LBP: variants seen among roughly 807,000 people sequenced by gnomAD.
LBP encodes lipopolysaccharide-binding protein.
Under a neutral mutation model 56.6 loss-of-function variants are expected in LBP, and 53 were observed. The ratio of observed to expected loss-of-function variants is 0.94; its 90% CI spans 0.75 to 1.18. The LOEUF (loss-of-function observed/expected upper bound fraction) is 1.18. Among genes scored for constraint, LBP ranks in the 50% most tolerant of loss-of-function variants. The pLI is 0.00. For synonymous variants in LBP, 227 were observed against 247.5 expected, an observed-to-expected ratio of 0.92 and a Z score of 0.78; for missense variants, 601 against 598.3, an observed-to-expected ratio of 1.00 and a Z score of -0.05.
intron 5 of LBP, among the ~76,000 whole-genome samples, chr20:38,358,832 CA>C (rs1263442198): frequency 6.6e-6 from 1 of 152,134 alleles, no homozygotes; most frequent in African/African-American, 2.4e-5. Flanking sequence ...AGCTGGCTAA[CA>C]AAAAGAGCTG....
intron 10 of LBP, among the ~76,000 whole-genome samples, chr20:38,369,497 T>C (rs1273861658): frequency 6.9e-6 from 1 of 144,902 alleles, no homozygotes; most frequent in Non-Finnish European, 1.5e-5. Context: ...TGTTTGTCTA[T>C]TTGTCTATTT....
Position 38,349,555 on chromosome 20 carries a change from G to A in LBP, c.132G>A (p.Gln44=). The A allele has an allele frequency of 1.2e-6, 2 of 1,603,600 alleles. No individual in the cohort carries two copies. Among genetic ancestry groups the A allele is most frequent in the Non-Finnish European group, 1.7e-6 (2 of 1,175,302 alleles). Residue 44 remains glutamine, a synonymous_variant, in exon 2 of 15, where the codon CAG becomes CAA. Transcript: ENST00000217407. Reference sequence around the variant, plus strand: ...GCTATTTCCTTTCCACAGCGGCCCAGGAGGGGCTATTAGCTCTGCAGAGTG... The same window carrying A: ...GCTATTTCCTTTCCACAGCGGCCCAAGAGGGGCTATTAGCTCTGCAGAGTG... ...ITDKGLQYAA[Q]EGLLALQSEL... is the part of the protein sequence containing the mutation.
At chr20:38,369,312 C>T in intron 10 of LBP, 150 bp downstream of exon 10, 1 of 763,432 alleles carries the variant, frequency 1.3e-6, no homozygotes, top group Non-Finnish European at 2.1e-6. Flanking sequence ...TTCTTGCTGG[C>T]CCTTACCCCC....
intron 5 of LBP, among the ~76,000 whole-genome samples, chr20:38,356,346 T>G: frequency 1.2e-5 from 1 of 81,644 alleles, no homozygotes; most frequent in East Asian, 3.8e-4. Flanking sequence ...ACCCCCTACA[T>G]GCACACACCA....
At chr20:38,370,608 A>G in intron 10 of LBP, 130 bp from the exon 11 acceptor site, 1 of 768,094 alleles carries the variant, frequency 1.3e-6, no homozygotes, top group South Asian at 1.6e-5. Flanking sequence ...TCTATGATCT[A>G]GTGGGCAAAT....
chr20:38,362,944 T>C, intron 6 of LBP, among the ~76,000 whole-genome samples: 1 of 152,186 alleles, frequency 6.6e-6, no homozygotes, highest in East Asian at 1.9e-4. Flanking sequence ...TGAGATCCTA[T>C]CTCAAAAAGA....
chr20:38,352,049 A>G (rs1438713876), intron 3 of LBP, among the ~76,000 whole-genome samples: 3 of 151,748 alleles, frequency 2.0e-5, no homozygotes, highest in African/African-American at 7.3e-5. Flanking sequence ...AAAAAAAAAA[A>G]AAAAGAAAAA....
intron 7 of LBP, 133 bp from the exon 8 acceptor site, chr20:38,364,443 C>A: frequency 2.4e-6 from 2 of 841,820 alleles, no homozygotes; most frequent in Non-Finnish European, 3.9e-6. Context: ...AAAGACATAA[C>A]ACTGCCTTTA....
At chr20:38,356,511 A>G (rs6127837) in intron 5 of LBP, among the ~76,000 whole-genome samples, 39,197 of 151,038 alleles carry the variant, frequency 0.26, 7,251 homozygotes, top group African/African-American at 0.53. Context: ...CGTGGTTGAA[A>G]CAGGAACAGC....
chr20:38,363,853 C>A (rs981215907), intron 6 of LBP, 122 bp from the exon 7 acceptor site: 1 of 698,058 alleles, frequency 1.4e-6, no homozygotes, highest in Non-Finnish European at 2.5e-6. Flanking sequence ...GCCTCAGGGC[C>A]GGGCTAGTAG....
intron 8 of LBP, among the ~76,000 whole-genome samples, chr20:38,365,717 A>AAAAATAT (rs2076879225): frequency 2.3e-5 from 1 of 43,726 alleles, no homozygotes; most frequent in African/African-American, 9.1e-5. Flanking sequence ...AAAAAAAAAA[A>AAAAATAT]ATATATATAT....
At chr20:38,352,465 A>C (rs1026398388) in intron 3 of LBP, among the ~76,000 whole-genome samples, 1 of 152,192 alleles carries the variant, frequency 6.6e-6, no homozygotes, top group African/African-American at 2.4e-5. Flanking sequence ...AACAAACAAA[A>C]AAACAGCAGC....
At chr20:38,357,073 T>C (rs941149837) in intron 5 of LBP, among the ~76,000 whole-genome samples, 3 of 152,182 alleles carry the variant, frequency 2.0e-5, no homozygotes, top group Non-Finnish European at 2.9e-5. Context: ...GCCAGGCTGG[T>C]CTTGAACTCC....
rs2076817839 is a variant in LBP, at chr20:38,350,819, T to C, written c.248T>C (p.Ile83Thr). 2 of 1,605,684 alleles carry C rather than the reference T, an allele frequency of 1.2e-6. No individual in the cohort carries two copies. Among genetic ancestry groups the C allele is most frequent in the Non-Finnish European group, 1.7e-6 (2 of 1,173,648 alleles). ...CATGTCTCTCCCTTCAGCCTGAACA[T>C]CCACAGCTGTGAGCTGCTTCACTCT... ...RGRYEFHSLNIHSCELLHSAL... is the reference protein window; with the variant it reads ...RGRYEFHSLNTHSCELLHSAL... Residue 83 changes from isoleucine (I) to threonine (T), a missense_variant, in exon 3 of 15, where the codon ATC becomes ACC. Ile to Thr is a moderately conservative substitution (Grantham distance 89). Coordinates refer to ENST00000217407, the MANE Select transcript of LBP (RefSeq NM_004139.5).
chr20:38,352,746 C>T (rs979316364), intron 3 of LBP, among the ~76,000 whole-genome samples: 2 of 151,908 alleles, frequency 1.3e-5, no homozygotes, highest in Admixed American at 6.6e-5. Flanking sequence ...GAGAGTGAGA[C>T]CCTATCTCAA....
At chr20:38,357,539 A>G (rs909574413) in intron 5 of LBP, among the ~76,000 whole-genome samples, 4 of 152,218 alleles carry the variant, frequency 2.6e-5, no homozygotes, top group African/African-American at 9.6e-5. Flanking sequence ...TCTATCCCCA[A>G]CTTCCCAAAA....
At chr20:38,347,728 G>A (rs1012238928) in intron 1 of LBP, among the ~76,000 whole-genome samples, 24 of 152,138 alleles carry the variant, frequency 1.6e-4, no homozygotes, top group African/African-American at 5.3e-4. Flanking sequence ...CCTGTTGCAT[G>A]TACCTGCTTT....
At chr20:38,366,705 T>G in intron 8 of LBP, 64 bp from the exon 9 acceptor site, 1 of 1,474,980 alleles carries the variant, frequency 6.8e-7, no homozygotes, top group Non-Finnish European at 9.5e-7. Context: ...GTCTCCCCAA[T>G]CTTCTTTAGA....
intron 5 of LBP, among the ~76,000 whole-genome samples, chr20:38,359,572 A>G (rs1298073382): frequency 6.6e-6 from 1 of 150,930 alleles, no homozygotes; most frequent in Non-Finnish European, 1.5e-5. Flanking sequence ...ACAGAGCAAG[A>G]CTGTGTCTCA....
Sources: gnomAD v4.1 joint callset for allele counts (sites outside exome capture counted in the v4.1 genomes callset) on GRCh38, gnomAD v4.1.1 for gene constraint, MANE v1.5 for transcripts, NCBI Gene and HGNC (gene_info 2026-07-23, HGNC 2026-07-21) for gene names.